KIDINS220: variants seen among roughly 807,000 people sequenced by gnomAD.
KIDINS220 encodes the protein kinase D interacting substrate 220.
Under a neutral mutation model 157.6 loss-of-function variants are expected in KIDINS220, and 63 were observed. That is an observed-to-expected ratio of 0.40 (90% CI 0.33 to 0.49). The LOEUF (loss-of-function observed/expected upper bound fraction) is 0.49. KIDINS220 is among the 20% of genes least tolerant of loss of function. The probability of loss-of-function intolerance (pLI) is 0.66; values close to 1 mark genes in which losing one functional copy is unlikely to be tolerated. For synonymous variants in KIDINS220, 732 were observed against 783.6 expected (o/e 0.93, Z 1.10); for missense variants, 1,772 against 2,171.2 (o/e 0.82, Z 3.65).
rs748766347 is a variant in KIDINS220 at position 8,796,758 on chromosome 2, A to G, written c.1098+13T>C. 1 of 1,597,348 alleles carries G rather than the reference A, an allele frequency of 6.3e-7. No individual in the cohort carries two copies. The highest frequency in any genetic ancestry group is 2.2e-5 in the East Asian group (1 of 44,826). ...GCTTTCCATACAGTGTTCTCTCCGC[A>G]CAGATGTTTTACCTTATCTACAGCA... On this transcript the variant is annotated intron_variant, in intron 11 of 29. Coordinates refer to ENST00000256707, the MANE Select transcript of KIDINS220 (RefSeq NM_020738.4).
chr2:8,768,513 C>T (rs1171697327), intron 22 of KIDINS220, among the ~76,000 whole-genome samples: 3 of 152,082 alleles, frequency 2.0e-5, no homozygotes, highest in African/African-American at 7.2e-5. Context: ...TTTTCTTTTT[C>T]ACCTGAATAA....
intron 15 of KIDINS220, among the ~76,000 whole-genome samples, chr2:8,786,716 C>T (rs1000751865): frequency 6.6e-6 from 1 of 152,130 alleles, no homozygotes; most frequent in Non-Finnish European, 1.5e-5. Flanking sequence ...CATGATGTGG[C>T]CACCAAGAGT....
At chr2:8,752,280 CT>C (rs1414649965) in intron 22 of KIDINS220, among the ~76,000 whole-genome samples, 2 of 152,116 alleles carry the variant, frequency 1.3e-5, no homozygotes, top group Non-Finnish European at 2.9e-5. Flanking sequence ...CTTGGCCTCC[CT>C]ATTGGGATTA....
intron 22 of KIDINS220, among the ~76,000 whole-genome samples, chr2:8,763,892 G>A (rs1669102487): frequency 6.6e-6 from 1 of 152,160 alleles, no homozygotes; most frequent in Admixed American, 6.5e-5. Flanking sequence ...CCATCACTAG[G>A]TATCTACCCA....
At chr2:8,773,275 C>T (rs6757123) in intron 21 of KIDINS220, among the ~76,000 whole-genome samples, 43,613 of 151,990 alleles carry the variant, frequency 0.29, 6,444 homozygotes, top group Middle Eastern at 0.35. Flanking sequence ...TGAAATGTGG[C>T]TTTAGGAAGA....
At chr2:8,759,125 A>C (rs1668425523) in intron 22 of KIDINS220, among the ~76,000 whole-genome samples, 1 of 152,222 alleles carries the variant, frequency 6.6e-6, no homozygotes, top group African/African-American at 2.4e-5. Flanking sequence ...GGAAACAACG[A>C]AGTGCTTATA....
intron 26 of KIDINS220, among the ~76,000 whole-genome samples, chr2:8,741,588 C>G (rs1410961488): frequency 6.6e-6 from 1 of 152,008 alleles, no homozygotes; most frequent in East Asian, 1.9e-4. Flanking sequence ...TCAAAAAAAC[C>G]AAAATGAAAC....
intron 1 of KIDINS220, among the ~76,000 whole-genome samples, chr2:8,837,235 C>T (rs1420724453): frequency 6.6e-6 from 1 of 152,172 alleles, no homozygotes; most frequent in Non-Finnish European, 1.5e-5. Flanking sequence ...CCACCAGAGA[C>T]TCCAAGGTCG....
At position 8,730,855 on chromosome 2, in the gene KIDINS220, C is replaced by G. The variant is rs749423918; in HGVS notation, c.5181G>C (p.Glu1727Asp). The change falls in exon 30 of 30, where the codon GAG becomes GAC. Residue 1727 changes from glutamate to aspartate, a missense_variant. Glu to Asp is a conservative substitution (Grantham distance 45). This residue lies in a region of KIDINS220 where 793 missense variants were observed against 885.5 expected (regional missense o/e 0.90). Coordinates refer to ENST00000256707, the MANE Select transcript of KIDINS220 (RefSeq NM_020738.4). ...GCTTATGTGTCATGCTTTTTAGATT[C>G]TCATTCTGAATAGTGGTTGGGTTGG... ...SSPNPTTIQN[E>D]NLKSMTHKRS... is the part of the protein sequence containing the mutation. 1 of 1,614,220 alleles carries G rather than the reference C, an allele frequency of 6.2e-7. No individual in the cohort carries two copies. The highest frequency in any genetic ancestry group is 1.1e-5 in the South Asian group (1 of 91,086).
chr2:8,776,011 C>G (rs1670917430), intron 21 of KIDINS220, among the ~76,000 whole-genome samples: 1 of 152,172 alleles, frequency 6.6e-6, no homozygotes. Context: ...ATGTTGATAA[C>G]ATACTAAAAC....
chr2:8,734,575 G>T, intron 28 of KIDINS220, 80 bp downstream of exon 28: 2 of 1,047,226 alleles, frequency 1.9e-6, no homozygotes, highest in Non-Finnish European at 2.8e-6. Flanking sequence ...ATTGATACTG[G>T]TTTTCTACAA....
In KIDINS220 at chr2:8,730,818, A is replaced by G; in HGVS notation, c.5218T>C (p.Ser1740Pro). The part of the protein sequence containing the change: ...KSMTHKRSQR[S>P]SYTRLSKDPP... ...TCTTTGGAGAGCCTTGTGTAACTTG[A>G]ACGTTGGCTTCGCTTATGTGTCATG... is the stretch of plus-strand genomic sequence containing the variant. Residue 1740 changes from serine to proline, a missense_variant, in exon 30 of 30, where the codon TCA becomes CCA. Physicochemically the swap from Ser to Pro is moderately conservative, Grantham distance 74. Coordinates refer to ENST00000256707, the MANE Select transcript of KIDINS220 (RefSeq NM_020738.4). 6.2e-7 allele frequency: 1 copy of G among 1,614,158 alleles called. No individual in the cohort carries two copies. Among genetic ancestry groups the G allele is most frequent in the Non-Finnish European group, 8.5e-7 (1 of 1,180,042 alleles).
intron 22 of KIDINS220, among the ~76,000 whole-genome samples, chr2:8,752,590 T>C (rs1667514442): frequency 6.6e-6 from 1 of 152,046 alleles, no homozygotes; most frequent in Non-Finnish European, 1.5e-5. Flanking sequence ...TGGCCCAAAG[T>C]CACACAACTA....
At chr2:8,802,432 C>T (rs1674851985) in intron 8 of KIDINS220, among the ~76,000 whole-genome samples, 2 of 152,102 alleles carry the variant, frequency 1.3e-5, no homozygotes, top group South Asian at 2.1e-4. Context: ...TGCTGGAGGG[C>T]AGATGAGGAA....
intron 4 of KIDINS220, among the ~76,000 whole-genome samples, chr2:8,814,401 A>G (rs1477442556): frequency 6.6e-6 from 1 of 152,228 alleles, no homozygotes; most frequent in African/African-American, 2.4e-5. Context: ...AACCCAAGGA[A>G]TAAATATTCA....
downstream of KIDINS220, chr2:8,721,473 C>G (rs535435129): frequency 1.3e-5 from 2 of 152,154 alleles, no homozygotes; most frequent in Non-Finnish European, 2.9e-5. Flanking sequence ...TAAAACAAGA[C>G]TCTTTTTCTC....
chr2:8,747,851 TA>T (rs746571343), intron 25 of KIDINS220, 35 bp downstream of exon 25: 34 of 1,315,052 alleles, frequency 2.6e-5, no homozygotes, highest in Non-Finnish European at 3.6e-5. Context: ...TGTTTATTAT[TA>T]AATTAATATT....
intron 23 of KIDINS220, among the ~76,000 whole-genome samples, chr2:8,751,124 T>C (rs1320131589): frequency 7.6e-6 from 1 of 131,508 alleles, no homozygotes; most frequent in Non-Finnish European, 1.5e-5. Flanking sequence ...AATGAATGGA[T>C]ATCATGAAGT....
chr2:8,800,523 A>G, intron 8 of KIDINS220, 25 bp from the exon 9 acceptor site: 2 of 1,482,158 alleles, frequency 1.3e-6, no homozygotes, highest in Non-Finnish European at 1.9e-6. Context: ...AATAAAAACA[A>G]AAACAAGGTA....
Sources: gnomAD v4.1 joint callset for allele counts (sites outside exome capture counted in the v4.1 genomes callset) on GRCh38, gnomAD v4.1.1 for gene constraint, gnomAD v4.1.1 regional missense constraint, MANE v1.5 for transcripts, NCBI Gene and HGNC (gene_info 2026-07-23, HGNC 2026-07-21) for gene names.